AMOTL1: variants seen among roughly 807,000 people sequenced by gnomAD.
AMOTL1 encodes angiomotin-like protein 1.
In AMOTL1, 45 loss-of-function variants were observed where a neutral mutation model predicts 102.9. The ratio of observed to expected loss-of-function variants is 0.44; its 90% CI spans 0.34 to 0.56. The LOEUF (loss-of-function observed/expected upper bound fraction) is 0.56. AMOTL1 is among the 20% of genes least tolerant of loss of function. AMOTL1 has a pLI of 0.01. For synonymous variants in AMOTL1, 481 were observed against 484.7 expected (o/e 0.99, Z 0.10); for missense variants, 1,114 against 1,225.6 (o/e 0.91, Z 1.36).
chr11:94,811,196 G>T (rs957507589), intron 3 of AMOTL1, among the ~76,000 whole-genome samples: 10 of 152,000 alleles, frequency 6.6e-5, no homozygotes, highest in African/African-American at 2.4e-4. Context: ...CCCCTCAAGT[G>T]GTCAAAATCA....
intron 3 of AMOTL1, among the ~76,000 whole-genome samples, chr11:94,816,746 C>G (rs944306672): frequency 3.3e-5 from 5 of 152,220 alleles, no homozygotes; most frequent in Admixed American, 2.6e-4. Context: ...GTCTTAAACC[C>G]TGACAGCAGT....
At position 94,842,909 on chromosome 11, in the gene AMOTL1, A is replaced by C. The variant is rs193127124; in HGVS notation, c.1649-7205A>C. ...ATTCCCCTTCTTAATTTTCCTTATT[A>C]CATAACTCATTTAAAAACACTCCAC... On this transcript the variant is annotated intron_variant, in intron 6 of 12. Coordinates refer to ENST00000433060, the MANE Select transcript of AMOTL1 (RefSeq NM_130847.3). Among the ~76,000 whole-genome samples the C allele has an allele frequency of 1.7e-3, 262 of 152,250 alleles. 1 individual carries two copies. The highest frequency in any genetic ancestry group is 2.9e-3 in the Non-Finnish European group (196 of 68,020).
At chr11:94,747,158 A>C (rs1439915425) in intron 3 of AMOTL1, among the ~76,000 whole-genome samples, 1 of 152,156 alleles carries the variant, frequency 6.6e-6, no homozygotes, top group East Asian at 1.9e-4. Flanking sequence ...TAAAAGCAGT[A>C]TGTGCTTATT....
At chr11:94,736,727 G>A (rs543044012) in intron 2 of AMOTL1, among the ~76,000 whole-genome samples, 1 of 152,264 alleles carries the variant, frequency 6.6e-6, no homozygotes, top group Admixed American at 6.5e-5. Context: ...GTAAACTTGT[G>A]CACTGTTTAT....
rs781008837 is a variant in AMOTL1 at position 94,795,025 on chromosome 11, T to C, written c.64T>C (p.Cys22Arg). ...EPAVKGSPSACYSPSSPVQVL... is the reference protein window; with the variant it reads ...EPAVKGSPSARYSPSSPVQVL... The stretch of plus-strand genomic sequence containing the variant: ...CTTTCCCCCAGGGTCCCCTTCTGCT[T>C]GTTATAGCCCCAGTAGTCCTGTCCA... Residue 22 changes from cysteine (C) to arginine (R), a missense_variant, in exon 2 of 13, where the codon TGT (cysteine) becomes CGT (arginine). By Grantham distance (180) the Cys-to-Arg change is radical. Coordinates refer to ENST00000433060, the MANE Select transcript of AMOTL1 (RefSeq NM_130847.3). The C allele has an allele frequency of 1.2e-6, 2 of 1,605,424 alleles. No homozygotes were observed. Among genetic ancestry groups the C allele is most frequent in the Admixed American group, 3.5e-5 (2 of 57,952 alleles).
At chr11:94,820,098 G>T (rs1951836820) in intron 3 of AMOTL1, among the ~76,000 whole-genome samples, 1 of 152,154 alleles carries the variant, frequency 6.6e-6, no homozygotes, top group Non-Finnish European at 1.5e-5. Context: ...TTCTCCCCAA[G>T]ACTTCCCACT....
chr11:94,761,928 A>G (rs1460317298), intron 3 of AMOTL1, among the ~76,000 whole-genome samples: 1 of 152,250 alleles, frequency 6.6e-6, no homozygotes, highest in Non-Finnish European at 1.5e-5. Flanking sequence ...AACTGAAAAT[A>G]TATGTTTTCA....
intron 4 of AMOTL1, among the ~76,000 whole-genome samples, chr11:94,825,104 T>C (rs551129590): frequency 1.6e-4 from 25 of 152,256 alleles, no homozygotes; most frequent in African/African-American, 5.8e-4. Context: ...TTTTGCATCT[T>C]TTTCCTCCCG....
chr11:94,761,874 G>T (rs1192241309), intron 3 of AMOTL1, among the ~76,000 whole-genome samples: 4 of 152,202 alleles, frequency 2.6e-5, no homozygotes, highest in Non-Finnish European at 5.9e-5. Context: ...TAAAATTGCT[G>T]AACAGGTTGT....
At chr11:94,787,430 A>T (rs568583079) in intron 1 of AMOTL1, among the ~76,000 whole-genome samples, 2 of 152,212 alleles carry the variant, frequency 1.3e-5, no homozygotes, top group South Asian at 4.1e-4. Context: ...AGTACTTAAG[A>T]TACAAAACAA....
At chr11:94,773,228 A>T (rs555770868) in intron 1 of AMOTL1, among the ~76,000 whole-genome samples, 1 of 152,314 alleles carries the variant, frequency 6.6e-6, no homozygotes, top group South Asian at 2.1e-4. Context: ...GATAAAGTCC[A>T]GTTGATAGAT....
chr11:94,859,488 G>A (rs1454862155), intron 8 of AMOTL1, 37 bp from the exon 9 acceptor site: 4 of 1,574,012 alleles, frequency 2.5e-6, no homozygotes, highest in Non-Finnish European at 2.6e-6. Context: ...GCATTGATGT[G>A]GTTTTGAGCA....
intron 1 of AMOTL1, among the ~76,000 whole-genome samples, chr11:94,785,051 G>C (rs1388777286): frequency 6.6e-6 from 1 of 152,194 alleles, no homozygotes; most frequent in African/African-American, 2.4e-5. Flanking sequence ...AATTGTCTTG[G>C]TGTTCTGGTG....
chr11:94,790,224 G>A (rs548041923), intron 1 of AMOTL1, among the ~76,000 whole-genome samples: 1 of 152,194 alleles, frequency 6.6e-6, no homozygotes, highest in Non-Finnish European at 1.5e-5. Context: ...AGAAGCATAT[G>A]TCTTACATGC....
At chr11:94,795,704 TCTTA>T (rs1951354583) in intron 2 of AMOTL1, among the ~76,000 whole-genome samples, 1 of 152,206 alleles carries the variant, frequency 6.6e-6, no homozygotes, top group Non-Finnish European at 1.5e-5. Context: ...CTCATCTCTC[TCTTA>T]CTTCAGTGAA....
At chr11:94,727,005 A>G (rs1231948215) in intron 1 of AMOTL1, among the ~76,000 whole-genome samples, 1 of 152,180 alleles carries the variant, frequency 6.6e-6, no homozygotes, top group Non-Finnish European at 1.5e-5. Flanking sequence ...AGTTCAGATT[A>G]ATAAAATAAA....
At chr11:94,742,974 A>G (rs572344783) in intron 3 of AMOTL1, among the ~76,000 whole-genome samples, 1 of 152,286 alleles carries the variant, frequency 6.6e-6, no homozygotes, top group South Asian at 2.1e-4. Flanking sequence ...TCACCTCCAA[A>G]TACCATCACA....
At position 94,799,065 on chromosome 11, in the gene AMOTL1, AT is replaced by A. The variant is rs925531738; in HGVS notation, c.200-316del. Among the ~76,000 whole-genome samples the A allele has an allele frequency of 4.6e-5, 7 of 151,050 alleles. No homozygotes were observed. The East Asian group carries it at 9.7e-4, about 21-fold the overall frequency. On this transcript the variant is annotated intron_variant, in intron 2 of 12. Coordinates refer to ENST00000433060, the MANE Select transcript of AMOTL1 (RefSeq NM_130847.3). The surrounding 1 kb of genome is among the most constrained non-coding windows in gnomAD (Gnocchi z 4.5). ...TGGTTTGATTTTGGTTTTCTCTTGT[AT>A]TTTTTTTTAAATGGGAAAGACTTGG...
intron 3 of AMOTL1, among the ~76,000 whole-genome samples, chr11:94,741,758 A>G (rs1375004130): frequency 6.6e-6 from 1 of 151,564 alleles, no homozygotes; most frequent in Non-Finnish European, 1.5e-5. Flanking sequence ...TTTAGCTGCT[A>G]CTGGTCTGGG....
Sources: gnomAD v4.1 joint callset for allele counts (sites outside exome capture counted in the v4.1 genomes callset) on GRCh38, gnomAD v4.1.1 for gene constraint, Gnocchi (gnomAD v3.1) non-coding constraint, MANE v1.5 for transcripts, NCBI Gene and HGNC (gene_info 2026-07-23, HGNC 2026-07-21) for gene names.